OSBPL10: variants seen among roughly 807,000 people sequenced by gnomAD.
OSBPL10 encodes oxysterol-binding protein-related protein 10.
In OSBPL10, 49 loss-of-function variants were observed where a neutral mutation model predicts 81.7. The ratio of observed to expected loss-of-function variants is 0.60; its 90% CI spans 0.48 to 0.76. The LOEUF is 0.76. OSBPL10 is among the 30% of genes least tolerant of loss of function. The probability of loss-of-function intolerance (pLI) is 0.00; values close to 1 mark genes in which losing one functional copy is unlikely to be tolerated. For missense variants in OSBPL10, 923 were observed against 987.8 expected (o/e 0.93, Z 0.88); for synonymous variants, 419 against 383.6 (o/e 1.09, Z -1.08).
intron 2 of OSBPL10, among the ~76,000 whole-genome samples, chr3:32,033,738 G>A (rs1228662294): frequency 1.3e-5 from 2 of 152,142 alleles, no homozygotes; most frequent in Non-Finnish European, 2.9e-5. Flanking sequence ...TTATTCTTTA[G>A]TGTAAAGAAA....
At chr3:32,021,201 G>A (rs1575086952) in intron 2 of OSBPL10, among the ~76,000 whole-genome samples, 1 of 152,172 alleles carries the variant, frequency 6.6e-6, no homozygotes, top group Non-Finnish European at 1.5e-5. Context: ...ATATGAATTG[G>A]GGCGTGGGTG....
chr3:31,826,996 C>T, intron 4 of OSBPL10, among the ~76,000 whole-genome samples: 1 of 152,174 alleles, frequency 6.6e-6, no homozygotes, highest in Admixed American at 6.5e-5. Flanking sequence ...TATCAATATA[C>T]AAAAAGCAAG....
chr3:31,758,072 T>A (rs1052828762), intron 4 of OSBPL10, among the ~76,000 whole-genome samples: 6 of 152,118 alleles, frequency 3.9e-5, no homozygotes, highest in Non-Finnish European at 8.8e-5. Context: ...AATCTGCATA[T>A]CAAAACTTAC....
chr3:31,969,010 C>T (rs6787600), intron 1 of OSBPL10, among the ~76,000 whole-genome samples: 2,937 of 152,232 alleles, frequency 0.019, 65 homozygotes, highest in Middle Eastern at 0.061. Flanking sequence ...TTTTTAGAGA[C>T]GAGGCCACTA....
chr3:31,870,030 AG>A (rs1310679843), intron 3 of OSBPL10, among the ~76,000 whole-genome samples: 1 of 152,168 alleles, frequency 6.6e-6, no homozygotes, highest in Non-Finnish European at 1.5e-5. Flanking sequence ...GCACTTGAGG[AG>A]CCCTTCAGCC....
At chr3:31,731,640 C>G (rs547619412) in intron 6 of OSBPL10, among the ~76,000 whole-genome samples, 4 of 152,206 alleles carry the variant, frequency 2.6e-5, no homozygotes, top group Admixed American at 2.0e-4. Flanking sequence ...AGGCGTGTGC[C>G]ACCACGCCCA....
In OSBPL10 at chr3:31,806,467, T is replaced by C. The variant is rs148988689; in HGVS notation, c.729+23573A>G. 4.1e-3 allele frequency among the ~76,000 whole-genome samples: 625 copies of C among 152,342 alleles called. 3 individuals carry two copies. The highest frequency in any genetic ancestry group is 9.5e-3 in the African/African-American group (394 of 41,582). On this transcript the variant is annotated intron_variant, in intron 4 of 11. Coordinates refer to ENST00000396556, the MANE Select transcript of OSBPL10 (RefSeq NM_017784.5). ...GGTCTTGCACTTACTTACCTTCTTT[T>C]AGCTGAGAGCCAAACAGTAAGTGCA...
At chr3:31,953,853 G>C (rs1285025669) in intron 1 of OSBPL10, among the ~76,000 whole-genome samples, 1 of 152,222 alleles carries the variant, frequency 6.6e-6, no homozygotes, top group Admixed American at 6.5e-5. Flanking sequence ...GTGTGTGACA[G>C]AGAGACAGAG....
At chr3:31,834,675 G>C (rs1700325657) in intron 3 of OSBPL10, among the ~76,000 whole-genome samples, 1 of 152,152 alleles carries the variant, frequency 6.6e-6, no homozygotes, top group South Asian at 2.1e-4. Flanking sequence ...GAAAAGGAGA[G>C]GAATCACTAG....
chr3:31,731,009 C>T (rs1696956463), intron 6 of OSBPL10, among the ~76,000 whole-genome samples: 1 of 152,126 alleles, frequency 6.6e-6, no homozygotes, highest in Admixed American at 6.5e-5. Flanking sequence ...TCACTTCATT[C>T]TATATAGAAG....
chr3:31,719,686 T>A (rs1227668210), intron 6 of OSBPL10, among the ~76,000 whole-genome samples: 2 of 152,162 alleles, frequency 1.3e-5, no homozygotes, highest in Non-Finnish European at 2.9e-5. Context: ...TTCCCACATT[T>A]GTTAACTGAA....
At chr3:31,927,233 C>A (rs941502992) in intron 1 of OSBPL10, among the ~76,000 whole-genome samples, 6 of 152,176 alleles carry the variant, frequency 3.9e-5, no homozygotes, top group African/African-American at 1.4e-4. Context: ...AAAGTTGAAT[C>A]TGAAACATTT....
At chr3:31,752,405 A>G (rs1367798814) in intron 4 of OSBPL10, among the ~76,000 whole-genome samples, 1 of 152,232 alleles carries the variant, frequency 6.6e-6, no homozygotes, top group East Asian at 1.9e-4. Flanking sequence ...GCCCCAAATT[A>G]AATTTCAGAG....
chr3:31,783,837 T>A (rs1307645169), intron 4 of OSBPL10, among the ~76,000 whole-genome samples: 17 of 92,258 alleles, frequency 1.8e-4, no homozygotes, highest in Non-Finnish European at 2.2e-4. Flanking sequence ...TATATATATA[T>A]ATATATATAT....
chr3:31,793,904 G>C (rs961890736), intron 4 of OSBPL10, among the ~76,000 whole-genome samples: 1 of 152,154 alleles, frequency 6.6e-6, no homozygotes, highest in Non-Finnish European at 1.5e-5. Context: ...TTAAAATACA[G>C]AATAACAACT....
At chr3:31,773,956 G>T (rs1698462096) in intron 4 of OSBPL10, among the ~76,000 whole-genome samples, 1 of 152,190 alleles carries the variant, frequency 6.6e-6, no homozygotes, top group Admixed American at 6.5e-5. Flanking sequence ...GAGGTCAGGA[G>T]TTCGAGACCA....
Position 32,035,999 on chromosome 3 carries a change from C to T in OSBPL10, n.298+10492G>A, listed in dbSNP as rs76328497. On this transcript the variant is annotated intron_variant and non_coding_transcript_variant, in intron 2 of 3. Coordinates refer to the OSBPL10 transcript ENST00000479173. ...TGGTGACCACTGTCATACTTTCTGTCTTCATGAATCCAACTACTCTGCATA... is the reference window on the plus strand; with the variant it reads ...TGGTGACCACTGTCATACTTTCTGTTTTCATGAATCCAACTACTCTGCATA... Among the ~76,000 whole-genome samples, 136 of 152,252 alleles carry T rather than the reference C, an allele frequency of 8.9e-4. 1 individual carries two copies. The highest frequency in any genetic ancestry group is 3.1e-3 in the African/African-American group (130 of 41,564).
intron 1 of OSBPL10, among the ~76,000 whole-genome samples, chr3:31,964,067 A>C (rs1698244421): frequency 6.6e-6 from 1 of 152,168 alleles, no homozygotes; most frequent in Non-Finnish European, 1.5e-5. Flanking sequence ...CCCTATTGAG[A>C]TGGAGGTGGA....
At chr3:31,711,807 ATC>A (rs1263367348) in intron 6 of OSBPL10, among the ~76,000 whole-genome samples, 2 of 152,216 alleles carry the variant, frequency 1.3e-5, no homozygotes, top group Non-Finnish European at 2.9e-5. Flanking sequence ...ATATACTAAA[ATC>A]CACCAAATGG....
Sources: gnomAD v4.1 joint callset for allele counts (sites outside exome capture counted in the v4.1 genomes callset) on GRCh38, gnomAD v4.1.1 for gene constraint, MANE v1.5 for transcripts, NCBI Gene and HGNC (gene_info 2026-07-23, HGNC 2026-07-21) for gene names.